NSUN6: variants seen among roughly 807,000 people sequenced by gnomAD.
NSUN6 encodes NOP2/Sun RNA methyltransferase 6, also known as tRNA (cytosine(72)-C(5))-methyltransferase NSUN6.
NSUN6 carries 64 observed loss-of-function variants against 58.0 expected under a neutral mutation model. The ratio of observed to expected loss-of-function variants is 1.10; its 90% CI spans 0.90 to 1.36. The LOEUF is 1.36. NSUN6 is among the 40% of genes most tolerant of loss of function. NSUN6 has a pLI of 0.00. For missense variants in NSUN6, 701 were observed against 550.1 expected, an observed-to-expected ratio of 1.27 and a Z score of -2.74; for synonymous variants, 231 against 193.9, an observed-to-expected ratio of 1.19 and a Z score of -1.59.
chr10:18,579,307 AC>A (rs2056802732), intron 8 of NSUN6, among the ~76,000 whole-genome samples: 1 of 151,982 alleles, frequency 6.6e-6, no homozygotes, highest in Admixed American at 6.6e-5. Context: ...AGTAGCTGGG[AC>A]TATAGGCGCC....
intron 3 of NSUN6, among the ~76,000 whole-genome samples, chr10:18,625,325 T>A (rs372200179): frequency 6.6e-6 from 1 of 152,120 alleles, no homozygotes; most frequent in African/African-American, 2.4e-5. Context: ...GCTGTCTTTA[T>A]AAAAGAGAAT....
At chr10:18,571,357 A>T (rs2056349163) in intron 8 of NSUN6, among the ~76,000 whole-genome samples, 1 of 136,618 alleles carries the variant, frequency 7.3e-6, no homozygotes, top group Admixed American at 7.4e-5. Flanking sequence ...AGTGCATTCC[A>T]CTCTCCATTC....
chr10:18,585,156 A>T (rs2057074832), intron 8 of NSUN6, among the ~76,000 whole-genome samples: 2 of 152,196 alleles, frequency 1.3e-5, no homozygotes, highest in South Asian at 4.1e-4. Context: ...AAACACACAC[A>T]CAAAAAATAA....
chr10:18,600,815 C>A (rs11015077), intron 6 of NSUN6, among the ~76,000 whole-genome samples: 37,447 of 148,916 alleles, frequency 0.25, 5,451 homozygotes, highest in East Asian at 0.74. Context: ...GTAAGCACAG[C>A]TACTTAGGAG....
At chr10:18,546,971 A>T (rs532376579) in intron 10 of NSUN6, among the ~76,000 whole-genome samples, 1 of 152,202 alleles carries the variant, frequency 6.6e-6, no homozygotes, top group South Asian at 2.1e-4. Flanking sequence ...AAAAAGAAAA[A>T]AGAAAGCAAC....
intron 2 of NSUN6, among the ~76,000 whole-genome samples, chr10:18,646,724 G>C (rs1304696949): frequency 2.0e-5 from 3 of 152,112 alleles, no homozygotes; most frequent in Non-Finnish European, 4.4e-5. Flanking sequence ...CCAGCTACTT[G>C]GGAGGTTGAG....
chr10:18,586,125 A>T (rs536355879), intron 7 of NSUN6, 32 bp from the exon 8 acceptor site: 2 of 1,480,658 alleles, frequency 1.4e-6, no homozygotes, highest in Admixed American at 2.4e-5. Flanking sequence ...ACATGCAGAA[A>T]AAAAAAAAGA....
chr10:18,633,191 G>T (rs1009947031), intron 3 of NSUN6, among the ~76,000 whole-genome samples: 2 of 151,150 alleles, frequency 1.3e-5, no homozygotes, highest in African/African-American at 4.9e-5. Context: ...TCACTCATAG[G>T]TGGGAATTGA....
At chr10:18,648,467 A>T in intron 2 of NSUN6, 23 bp downstream of exon 2, 1 of 1,542,596 alleles carries the variant, frequency 6.5e-7, no homozygotes, top group Non-Finnish European at 8.9e-7. Context: ...ATTATGTACA[A>T]ATGACAGAAA....
intron 8 of NSUN6, among the ~76,000 whole-genome samples, chr10:18,563,891 T>C (rs1253706350): frequency 6.6e-6 from 1 of 151,440 alleles, no homozygotes. Flanking sequence ...TCCATTCCAT[T>C]CCATCCTCCA....
At chr10:18,609,255 G>A (rs564383640) in intron 6 of NSUN6, among the ~76,000 whole-genome samples, 27 of 152,204 alleles carry the variant, frequency 1.8e-4, no homozygotes, top group African/African-American at 6.3e-4. Flanking sequence ...AGGTTACAGT[G>A]AGCTACGATT....
At chr10:18,550,109 G>A (rs1302605647) in intron 9 of NSUN6, among the ~76,000 whole-genome samples, 1 of 152,194 alleles carries the variant, frequency 6.6e-6, no homozygotes, top group African/African-American at 2.4e-5. Context: ...TATACTGTCA[G>A]CTTTTCCTTC....
At chr10:18,585,620 A>G (rs2057095906) in intron 8 of NSUN6, among the ~76,000 whole-genome samples, 1 of 152,234 alleles carries the variant, frequency 6.6e-6, no homozygotes, top group Non-Finnish European at 1.5e-5. Context: ...ACTCATAGAA[A>G]GAATAGTGGT....
intron 8 of NSUN6, among the ~76,000 whole-genome samples, chr10:18,575,965 GAGA>G (rs1207442875): frequency 1.3e-5 from 2 of 152,088 alleles, no homozygotes; most frequent in Non-Finnish European, 2.9e-5. Context: ...AAGCTGGAAG[GAGA>G]AGCTCAAGCC....
At chr10:18,647,746 T>G (rs953912744) in intron 2 of NSUN6, among the ~76,000 whole-genome samples, 3 of 145,444 alleles carry the variant, frequency 2.1e-5, no homozygotes, top group East Asian at 2.0e-4. Flanking sequence ...TTTTTTTTTT[T>G]TTTTTTGAGA....
chr10:18,557,234 AG>A (rs2055097863), intron 8 of NSUN6, among the ~76,000 whole-genome samples: 1 of 151,470 alleles, frequency 6.6e-6, no homozygotes, highest in Admixed American at 6.6e-5. Context: ...CATGGAATGG[AG>A]AATGGAATTG....
intron 9 of NSUN6, among the ~76,000 whole-genome samples, chr10:18,550,148 A>G (rs1430231429): frequency 6.6e-6 from 1 of 152,240 alleles, no homozygotes; most frequent in Non-Finnish European, 1.5e-5. Flanking sequence ...TACTCCTAGT[A>G]GCCTTTTAAA....
At chr10:18,622,121 C>T (rs1590099507) in intron 3 of NSUN6, among the ~76,000 whole-genome samples, 1 of 151,894 alleles carries the variant, frequency 6.6e-6, no homozygotes, top group African/African-American at 2.4e-5. Flanking sequence ...TATTTGTGTC[C>T]CCAAAATTCA....
intron 6 of NSUN6, among the ~76,000 whole-genome samples, chr10:18,608,634 G>C (rs1288516991): frequency 4.9e-5 from 5 of 102,240 alleles, no homozygotes; most frequent in Non-Finnish European, 8.2e-5. Context: ...GTAAGATCCT[G>C]TCTCAAAAAA....
Sources: gnomAD v4.1 joint callset for allele counts (sites outside exome capture counted in the v4.1 genomes callset) on GRCh38, gnomAD v4.1.1 for gene constraint, MANE v1.5 for transcripts, NCBI Gene and HGNC (gene_info 2026-07-23, HGNC 2026-07-21) for gene names.